DSE: variants seen among roughly 807,000 people sequenced by gnomAD.
The protein encoded by DSE is dermatan-sulfate epimerase.
In DSE, 36 loss-of-function variants were observed where a neutral mutation model predicts 84.4. The ratio of observed to expected loss-of-function variants is 0.43; its 90% CI spans 0.33 to 0.56. The LOEUF (loss-of-function observed/expected upper bound fraction) is 0.56. Among genes scored for constraint, DSE ranks in the 20% least tolerant of loss-of-function variants. The pLI is 0.06. For synonymous variants in DSE, 410 were observed against 430.1 expected, an observed-to-expected ratio of 0.95 and a Z score of 0.58; for missense variants, 862 against 1,169.6, an observed-to-expected ratio of 0.74 and a Z score of 3.84.
chr6:116,261,157 AGT>A (rs1253226478), intron 2 of DSE, among the ~76,000 whole-genome samples: 1 of 151,898 alleles, frequency 6.6e-6, no homozygotes, highest in Non-Finnish European at 1.5e-5. Flanking sequence ...TTCTTTGAGC[AGT>A]GTTTTGTCGT....
rs769190670 is a variant in DSE, at chr6:116,444,588, A to T, written c.*7243A>T. 2.0e-5 allele frequency: 3 copies of T among 152,176 alleles called. No individual in the cohort carries two copies. Among genetic ancestry groups the T allele is most frequent in the Non-Finnish European group, 4.4e-5 (3 of 68,026 alleles). The allele number at this position is 152,176 out of a possible 1,614,324, so 9.4% of individuals were successfully genotyped here. A position where few individuals can be genotyped will look rare whatever the true frequency, so the allele number is the denominator to read the frequency against. Reference sequence around the variant, plus strand: ...CCTCCTCTCAAAATTAATATGTTGAAACCTAATCCTTAATGTGATAGTATT... The same window carrying T: ...CCTCCTCTCAAAATTAATATGTTGATACCTAATCCTTAATGTGATAGTATT... On this transcript the variant is annotated 3_prime_UTR_variant, in exon 6 of 6. Transcript: ENST00000644252.
At chr6:116,287,888 T>C (rs1184022505) in intron 2 of DSE, among the ~76,000 whole-genome samples, 1 of 152,144 alleles carries the variant, frequency 6.6e-6, no homozygotes, top group Non-Finnish European at 1.5e-5. Context: ...AGGGAGCAAC[T>C]GGTCTTTAAG....
At chr6:116,350,747 T>C (rs1312419739) in intron 2 of DSE, among the ~76,000 whole-genome samples, 3 of 152,180 alleles carry the variant, frequency 2.0e-5, no homozygotes, top group Admixed American at 6.5e-5. Flanking sequence ...TTCTCAAAGA[T>C]GAGTTATGTT....
intron 2 of DSE, among the ~76,000 whole-genome samples, chr6:116,260,229 T>C (rs1470776403): frequency 1.3e-5 from 2 of 152,252 alleles, no homozygotes; most frequent in African/African-American, 2.4e-5. Flanking sequence ...ATTTCTCTAA[T>C]AATCAGTGAT....
At chr6:116,356,656 G>A (rs1446001320) in intron 2 of DSE, among the ~76,000 whole-genome samples, 5 of 152,112 alleles carry the variant, frequency 3.3e-5, no homozygotes, top group Admixed American at 1.3e-4. Flanking sequence ...TGCGAATGAC[G>A]AAACAGGTAC....
intron 2 of DSE, among the ~76,000 whole-genome samples, chr6:116,358,745 G>C (rs940945497): frequency 6.6e-6 from 1 of 152,206 alleles, no homozygotes; most frequent in Non-Finnish European, 1.5e-5. Flanking sequence ...CTGCCAATAT[G>C]AGCATGCCTC....
At chr6:116,408,245 A>G (rs1487840693) in intron 2 of DSE, among the ~76,000 whole-genome samples, 3 of 152,096 alleles carry the variant, frequency 2.0e-5, no homozygotes, top group African/African-American at 7.2e-5. Flanking sequence ...CATCTTCTAT[A>G]CCCACCCTCC....
rs759293186 is a variant in DSE, at chr6:116,435,509, G to A, written c.1119-78G>A. 1.2e-4 allele frequency: 164 copies of A among 1,413,336 alleles called. 1 individual carries two copies. In the Admixed American group the frequency reaches 1.5e-3, roughly 13 times the overall value. 87.5% of individuals were successfully genotyped at this position (1,413,336 alleles called of 1,614,324 possible). On this transcript the variant is annotated intron_variant, in intron 5 of 5. Transcript: ENST00000644252. ...GTGCTCTGGGTAGCATTTGTGTGTC[G>A]CATCTTCCACATTACCATGTTATGT... is the stretch of plus-strand genomic sequence containing the variant.
chr6:116,316,697 G>A (rs756156209), intron 2 of DSE, among the ~76,000 whole-genome samples: 2 of 152,056 alleles, frequency 1.3e-5, no homozygotes, highest in Non-Finnish European at 2.9e-5. Context: ...TTGGTATTTG[G>A]TTGTGCTGTA....
chr6:116,365,247 G>A (rs1189173337), intron 2 of DSE, among the ~76,000 whole-genome samples: 1 of 151,656 alleles, frequency 6.6e-6, no homozygotes, highest in Non-Finnish European at 1.5e-5. Context: ...CTATAACTGG[G>A]GCATCGGAAG....
rs893247391 is a variant in DSE, at chr6:116,289,390, T to C, written c.-54+30423T>C. 7.2e-5 allele frequency among the ~76,000 whole-genome samples: 11 copies of C among 152,170 alleles called. No homozygotes were observed. In the South Asian group the frequency reaches 1.7e-3, roughly 23 times the overall value. On this transcript the variant is annotated intron_variant, in intron 2 of 3. Coordinates refer to the DSE transcript ENST00000430252. Reference sequence around the variant, plus strand: ...AGCCATTTAATAAACATGACTGTTATATGTGAAAGCATCTCAATATCCTAA... The same window carrying C: ...AGCCATTTAATAAACATGACTGTTACATGTGAAAGCATCTCAATATCCTAA...
chr6:116,330,147 A>T (rs1418818704), intron 2 of DSE, among the ~76,000 whole-genome samples: 1 of 152,222 alleles, frequency 6.6e-6, no homozygotes, highest in Admixed American at 6.5e-5. Context: ...CTTAAAAAGT[A>T]TTAAACCTTA....
intron 2 of DSE, chr6:116,278,988 A>G: frequency 6.2e-7 from 1 of 1,614,122 alleles, no homozygotes; most frequent in Non-Finnish European, 8.5e-7. Context: ...TTCGAAAAGC[A>G]GTCATCCAGA....
At chr6:116,300,269 A>G (rs1414182726) in intron 2 of DSE, among the ~76,000 whole-genome samples, 1 of 152,234 alleles carries the variant, frequency 6.6e-6, no homozygotes, top group Non-Finnish European at 1.5e-5. Flanking sequence ...AGTTTCAAAT[A>G]GTACATTTTA....
At chr6:116,360,456 T>C (rs2114877169) in intron 2 of DSE, among the ~76,000 whole-genome samples, 1 of 152,364 alleles carries the variant, frequency 6.6e-6, no homozygotes, top group Admixed American at 6.5e-5. Flanking sequence ...CTGGTAATTT[T>C]ACTTATTGAA....
intron 1 of DSE, among the ~76,000 whole-genome samples, chr6:116,381,219 G>A (rs1011665061): frequency 7.2e-5 from 11 of 152,202 alleles, no homozygotes; most frequent in South Asian, 4.1e-4. Context: ...AAAGTACCAC[G>A]TTGGATGTGG....
At chr6:116,397,465 C>G (rs1044525016) in intron 1 of DSE, among the ~76,000 whole-genome samples, 1 of 152,148 alleles carries the variant, frequency 6.6e-6, no homozygotes, top group Non-Finnish European at 1.5e-5. Context: ...CCTCCGCCTC[C>G]CAAAGTCCTG....
intron 2 of DSE, among the ~76,000 whole-genome samples, chr6:116,287,543 A>G (rs532639879): frequency 1.3e-5 from 2 of 152,238 alleles, no homozygotes; most frequent in East Asian, 1.9e-4. Flanking sequence ...TAGATGAAAT[A>G]CCATAATTTC....
intron 2 of DSE, among the ~76,000 whole-genome samples, chr6:116,294,491 T>C (rs1774531925): frequency 6.6e-6 from 1 of 152,246 alleles, no homozygotes; most frequent in Non-Finnish European, 1.5e-5. Context: ...TTAAATAATC[T>C]GTAAACCAAC....
Sources: gnomAD v4.1 joint callset for allele counts (sites outside exome capture counted in the v4.1 genomes callset) on GRCh38, gnomAD v4.1.1 for gene constraint, MANE v1.5 for transcripts, NCBI Gene and HGNC (gene_info 2026-07-23, HGNC 2026-07-21) for gene names.